The following MT1M variants were observed in gnomAD, a reference collection of about 807,000 sequenced individuals.
The protein encoded by MT1M is metallothionein-1M.
A neutral mutation model predicts 8.5 loss-of-function variants in MT1M; 11 were observed. That is an observed-to-expected ratio of 1.29 (90% CI 0.81 to 2.14). The LOEUF (loss-of-function observed/expected upper bound fraction) is 2.14. MT1M is among the 30% of genes most tolerant of loss of function. MT1M has a pLI of 0.00. For synonymous variants in MT1M, 28 were observed against 30.0 expected (o/e 0.93, Z 0.22); for missense variants, 84 against 76.6 (o/e 1.10, Z -0.36).
intron 1 of MT1M, 113 bp from the exon 2 acceptor site, chr16:56,633,227 G>A: frequency 1.3e-6 from 2 of 1,499,002 alleles, no homozygotes; most frequent in Non-Finnish European, 1.8e-6. Context: ...GAGTGGGAAA[G>A]GAGCTCTGAG....
rs1410060185 is a variant in MT1M at position 56,632,771 on chromosome 16, C to T, written c.28+12C>T. 1 of 1,613,978 alleles carries T rather than the reference C, an allele frequency of 6.2e-7. No individual in the cohort carries two copies. ...CTCCTGCACCACTGGTAAGAGAAGC[C>T]GACCCTGCGCCCTAGGAATCCCATT... On this transcript the variant is annotated intron_variant, in intron 1 of 2. Coordinates refer to ENST00000379818, the MANE Select transcript of MT1M (RefSeq NM_176870.3).
In MT1M at chr16:56,633,761, C is replaced by T. The variant is rs201647695; in HGVS notation, c.105C>T (p.Ser35=). The T allele has an allele frequency of 2.0e-4, 328 of 1,614,072 alleles. No homozygotes were observed. The highest frequency in any genetic ancestry group is 4.9e-4 in the South Asian group (45 of 91,090). ...KCTSCKKSCC[S]CCPVGCAKCA... ...CCCCTTCTTCCCCAGGCTGCTGCTC[C>T]TGCTGCCCCGTGGGCTGTGCCAAGT... The change falls in exon 3 of 3, where the codon TCC becomes TCT. Residue 35 remains serine (S), a synonymous_variant. Transcript: ENST00000379818.
intron 1 of MT1M, 134 bp from the exon 2 acceptor site, chr16:56,633,206 G>A: frequency 1.4e-6 from 2 of 1,423,044 alleles, no homozygotes; most frequent in East Asian, 2.3e-5. Context: ...GAGAGGACAG[G>A]GGCTTTCCCT....
In MT1M at chr16:56,632,666, C is replaced by T; in HGVS notation, c.-66C>T. 5.6e-6 allele frequency: 9 copies of T among 1,602,490 alleles called. No individual in the cohort carries two copies. Among genetic ancestry groups the T allele is most frequent in the African/African-American group, 1.3e-5 (1 of 74,754 alleles). On this transcript the variant is annotated 5_prime_UTR_variant, in exon 1 of 3. Coordinates refer to ENST00000379818, the MANE Select transcript of MT1M (RefSeq NM_176870.3). Reference sequence around the variant, plus strand: ...CGCAGGCTGTGGCGCTCCACCACGCCGTCCGGGTGGGCCTAGCAGTCGCTC... The same window carrying T: ...CGCAGGCTGTGGCGCTCCACCACGCTGTCCGGGTGGGCCTAGCAGTCGCTC...
At chr16:56,633,293 C>A in intron 1 of MT1M, 47 bp from the exon 2 acceptor site, 1 of 1,613,892 alleles carries the variant, frequency 6.2e-7, no homozygotes, top group Non-Finnish European at 8.5e-7. Context: ...ATTGCTGTAC[C>A]TTCTTCATCT....
In MT1M at chr16:56,633,782, C is replaced by G. The variant is rs1486427518; in HGVS notation, c.126C>G (p.Ala42=). The change falls in exon 3 of 3, where the codon GCC becomes GCG. Residue 42 remains alanine (A), a synonymous_variant. Coordinates refer to ENST00000379818, the MANE Select transcript of MT1M (RefSeq NM_176870.3). ...SCCSCCPVGC[A]KCAHGCVCKG... ...GCTCCTGCTGCCCCGTGGGCTGTGCCAAGTGTGCCCACGGCTGTGTCTGCA... is the reference window on the plus strand; with the variant it reads ...GCTCCTGCTGCCCCGTGGGCTGTGCGAAGTGTGCCCACGGCTGTGTCTGCA... 5 of 1,614,052 alleles carry G rather than the reference C, an allele frequency of 3.1e-6. No homozygotes were observed. Among genetic ancestry groups the G allele is most frequent in the Admixed American group, 3.3e-5 (2 of 60,006 alleles).
Position 56,633,834 on chromosome 16 carries a change from T to C in MT1M, c.178T>C (p.Cys60Arg), listed in dbSNP as rs1310330564. Reference protein sequence around the residue: ...CKGTLENCSCCA With the variant: ...CKGTLENCSCRA ...AGGGACGTTGGAGAACTGCAGCTGC[T>C]GTGCCTGATGTGGGAACAGCTCTTC... The change falls in exon 3 of 3, where the codon TGT becomes CGT. Residue 60 changes from cysteine (C) to arginine (R), a missense_variant. Physicochemically the swap from Cys to Arg is radical, Grantham distance 180. Coordinates refer to ENST00000379818, the MANE Select transcript of MT1M (RefSeq NM_176870.3). 1 of 1,614,120 alleles carries C rather than the reference T, an allele frequency of 6.2e-7. No homozygotes were observed. The highest frequency in any genetic ancestry group is 1.7e-5 in the Admixed American group (1 of 60,010).
Position 56,633,261 on chromosome 16 carries a change from G to A in MT1M, c.29-79G>A. ...AGGGCTGGCCCTGCACAAAGGAGGGGGCACTGGAGACTCATTGACCCATTG... is the reference window on the plus strand; with the variant it reads ...AGGGCTGGCCCTGCACAAAGGAGGGAGCACTGGAGACTCATTGACCCATTG... On this transcript the variant is annotated intron_variant, in intron 1 of 2. Coordinates refer to ENST00000379818, the MANE Select transcript of MT1M (RefSeq NM_176870.3). 8 of 1,593,912 alleles carry A rather than the reference G, an allele frequency of 5.0e-6. No homozygotes were observed. The South Asian group carries it at 7.8e-5, about 16-fold the overall frequency.
intron 2 of MT1M, 87 bp downstream of exon 2, chr16:56,633,492 G>A (rs769911023): frequency 1.2e-6 from 2 of 1,613,420 alleles, no homozygotes; most frequent in Admixed American, 1.7e-5. Context: ...ATCCTTCTGG[G>A]GAACTGGGCT....
Position 56,632,754 on chromosome 16 carries a change from C to T in MT1M, c.23C>T (p.Thr8Ile). The change falls in exon 1 of 3, where the codon ACC becomes ATC. Residue 8 changes from threonine to isoleucine, a missense_variant. Physicochemically the swap from Thr to Ile is moderately conservative, Grantham distance 89 (BLOSUM62 -1). Transcript: ENST00000379818. MDPNCSCTTGVSCACTGS... is the reference protein window; with the variant it reads MDPNCSCITGVSCACTGS... ...GAAATGGACCCCAACTGCTCCTGCACCACTGGTAAGAGAAGCCGACCCTGC... is the reference window on the plus strand; with the variant it reads ...GAAATGGACCCCAACTGCTCCTGCATCACTGGTAAGAGAAGCCGACCCTGC... 1 of 1,613,946 alleles carries T rather than the reference C, an allele frequency of 6.2e-7. No individual in the cohort carries two copies. Among genetic ancestry groups the T allele is most frequent in the Non-Finnish European group, 8.5e-7 (1 of 1,180,050 alleles).
Position 56,633,887 on chromosome 16 carries a change from C to A in MT1M, c.*45C>A. On this transcript the variant is annotated 3_prime_UTR_variant, in exon 3 of 3. Transcript: ENST00000379818. ...CCAGATGTTAATAGAACAAGCTGCACAACCTGGATTTTTTTTCAATACGAT... is the reference window on the plus strand; with the variant it reads ...CCAGATGTTAATAGAACAAGCTGCAAAACCTGGATTTTTTTTCAATACGAT... 6.2e-7 allele frequency: 1 copy of A among 1,600,308 alleles called. No homozygotes were observed. Among genetic ancestry groups the A allele is most frequent in the South Asian group, 1.1e-5 (1 of 90,456 alleles).
rs755021452 is a variant in MT1M, at chr16:56,633,751, G to C, written c.95G>C (p.Ser32Thr). 3 of 1,614,002 alleles carry C rather than the reference G, an allele frequency of 1.9e-6. No homozygotes were observed. The highest frequency in any genetic ancestry group is 2.5e-6 in the Non-Finnish European group (3 of 1,180,046). The change falls in exon 3 of 3, where the codon AGC becomes ACC. Residue 32 changes from serine (S) to threonine (T), a missense_variant and splice_region_variant. Transcript: ENST00000379818. ...ACCTCTCTCTCCCCTTCTTCCCCAGGCTGCTGCTCCTGCTGCCCCGTGGGC... is the reference window on the plus strand; with the variant it reads ...ACCTCTCTCTCCCCTTCTTCCCCAGCCTGCTGCTCCTGCTGCCCCGTGGGC... The part of the protein sequence containing the change: ...KECKCTSCKK[S>T]CCSCCPVGCA...
chr16:56,633,913 A>C lies in MT1M; in HGVS notation c.*71A>C, dbSNP rs1960326643. 2.0e-6 allele frequency: 3 copies of C among 1,489,956 alleles called. No individual in the cohort carries two copies. Among genetic ancestry groups the C allele is most frequent in the Non-Finnish European group, 2.8e-6 (3 of 1,082,638 alleles). 92.3% of individuals were successfully genotyped at this position (1,489,956 alleles called of 1,614,324 possible). On this transcript the variant is annotated 3_prime_UTR_variant, in exon 3 of 3. Coordinates refer to ENST00000379818, the MANE Select transcript of MT1M (RefSeq NM_176870.3). ...AACCTGGATTTTTTTTCAATACGAT[A>C]CTGAGCCATTTGCTGCATTTCTTTT...
intron 1 of MT1M, 35 bp downstream of exon 1, chr16:56,632,794 A>G (rs1375583958): frequency 1.2e-6 from 2 of 1,613,424 alleles, no homozygotes. Context: ...TAGGAATCCC[A>G]TTTCCCAGCC....
chr16:56,633,911 A>C lies in MT1M; in HGVS notation c.*69A>C. 1 of 1,488,716 alleles carries C rather than the reference A, an allele frequency of 6.7e-7. No individual in the cohort carries two copies. The highest frequency in any genetic ancestry group is 9.2e-7 in the Non-Finnish European group (1 of 1,081,938). The allele number at this position is 1,488,716 out of a possible 1,614,324, so 92.2% of individuals were successfully genotyped here. On this transcript the variant is annotated 3_prime_UTR_variant, in exon 3 of 3. Coordinates refer to ENST00000379818, the MANE Select transcript of MT1M (RefSeq NM_176870.3). ...ACAACCTGGATTTTTTTTCAATACGATACTGAGCCATTTGCTGCATTTCTT... is the reference window on the plus strand; with the variant it reads ...ACAACCTGGATTTTTTTTCAATACGCTACTGAGCCATTTGCTGCATTTCTT...
intron 1 of MT1M, 58 bp downstream of exon 1, chr16:56,632,817 G>A (rs1960306651): frequency 6.2e-7 from 1 of 1,606,996 alleles, no homozygotes; most frequent in Non-Finnish European, 8.5e-7. Context: ...AGTACTGAGG[G>A]TCTCTGGGTT....
intron 2 of MT1M, 42 bp from the exon 3 acceptor site, chr16:56,633,709 C>G (rs774819092): frequency 2.7e-5 from 43 of 1,611,972 alleles, no homozygotes; most frequent in East Asian, 4.5e-5. Flanking sequence ...GGGCGGTGCC[C>G]GGTCAAGTCT....
Position 56,633,824 on chromosome 16 carries a change from C to T in MT1M, c.168C>T (p.Asn56=), listed in dbSNP as rs748889195. The change falls in exon 3 of 3, where the codon AAC becomes AAT. Residue 56 remains asparagine, a synonymous_variant. Transcript: ENST00000379818. ...HGCVCKGTLE[N]CSCCA is the part of the protein sequence containing the mutation. Reference sequence around the variant, plus strand: ...GTGTCTGCAAAGGGACGTTGGAGAACTGCAGCTGCTGTGCCTGATGTGGGA... The same window carrying T: ...GTGTCTGCAAAGGGACGTTGGAGAATTGCAGCTGCTGTGCCTGATGTGGGA... The T allele has an allele frequency of 2.5e-6, 4 of 1,614,102 alleles. No individual in the cohort carries two copies. Among genetic ancestry groups the T allele is most frequent in the Non-Finnish European group, 3.4e-6 (4 of 1,180,050 alleles).
rs1474405043 is a variant in MT1M at position 56,632,756 on chromosome 16, A to G, written c.25A>G (p.Thr9Ala). 1.2e-6 allele frequency: 2 copies of G among 1,613,784 alleles called. No individual in the cohort carries two copies. The highest frequency in any genetic ancestry group is 1.7e-5 in the Admixed American group (1 of 60,006). The change falls in exon 1 of 3, where the codon ACT becomes GCT. Residue 9 changes from threonine (T) to alanine (A), a missense_variant. Coordinates refer to ENST00000379818, the MANE Select transcript of MT1M (RefSeq NM_176870.3). MDPNCSCT[T>A]GVSCACTGSC... ...AATGGACCCCAACTGCTCCTGCACC[A>G]CTGGTAAGAGAAGCCGACCCTGCGC...
Sources: gnomAD v4.1 joint callset for allele counts on GRCh38, gnomAD v4.1.1 for gene constraint, MANE v1.5 for transcripts, NCBI Gene and HGNC (gene_info 2026-07-23, HGNC 2026-07-21) for gene names.